Variants in C4orf36 observed in about 807,000 individuals in gnomAD.
The protein encoded by C4orf36 is uncharacterized protein C4orf36.
Under a neutral mutation model 12.2 loss-of-function variants are expected in C4orf36, and 11 were observed. The observed-to-expected ratio is 0.90, with a 90% CI of 0.57 to 1.49. The LOEUF (loss-of-function observed/expected upper bound fraction) is 1.49, where lower values mean the gene tolerates loss of function less well. Among genes scored for constraint, C4orf36 ranks in the 40% most tolerant of loss-of-function variants. C4orf36 has a pLI of 0.00. For missense variants in C4orf36, 137 were observed against 133.9 expected, an observed-to-expected ratio of 1.02 and a Z score of -0.11; for synonymous variants, 54 against 51.3, an observed-to-expected ratio of 1.05 and a Z score of -0.22.
chr4:86,919,482 T>C, the C4orf36 span, among the ~76,000 whole-genome samples: 1 of 151,742 alleles, frequency 6.6e-6, no homozygotes, highest in Admixed American at 6.6e-5. Flanking sequence ...ACCACCAGTC[T>C]TGGCTAATTT....
rs749939886 is a variant in C4orf36 at position 86,887,827 on chromosome 4, G to A, written c.287C>T (p.Ser96Phe). 19 of 1,614,020 alleles carry A rather than the reference G, an allele frequency of 1.2e-5. No individual in the cohort carries two copies. In the Admixed American group the frequency reaches 3.0e-4, roughly 25 times the overall value. The change falls in exon 4 of 5, where the codon TCT becomes TTT. Residue 96 changes from serine to phenylalanine, a missense_variant. Transcript: ENST00000295898. ...LCKLKCQENT[S>F]KEIQLLLRER... ...CCTCAGGAGAAGCTGAATTTCCTTAGATGTATTTTCTTGACACTTCAGTTT... is the reference window on the plus strand; with the variant it reads ...CCTCAGGAGAAGCTGAATTTCCTTAAATGTATTTTCTTGACACTTCAGTTT...
chr4:86,882,212 A>G (rs116796084), intron 4 of C4orf36, among the ~76,000 whole-genome samples: 1 of 152,202 alleles, frequency 6.6e-6, no homozygotes, highest in Non-Finnish European at 1.5e-5. Context: ...TGGAAGCAGG[A>G]CTCTTCTCTC....
chr4:86,915,337 C>T, the C4orf36 span, among the ~76,000 whole-genome samples: 1 of 152,194 alleles, frequency 6.6e-6, no homozygotes, highest in African/African-American at 2.4e-5. Context: ...CTCCTAATCC[C>T]CTTAGGTTCT....
At chr4:86,911,509 C>A in the C4orf36 span, among the ~76,000 whole-genome samples, 1 of 152,178 alleles carries the variant, frequency 6.6e-6, no homozygotes, top group African/African-American at 2.4e-5. Context: ...TCTACCAAGT[C>A]TCTGGCCTTC....
At chr4:86,893,718 G>A (rs147124297), upstream of C4orf36, among the ~76,000 whole-genome samples, 864 of 152,168 alleles carry the variant, frequency 5.7e-3, 6 homozygotes, top group African/African-American at 0.02. Flanking sequence ...GGAAGGTGAG[G>A]ACTGTCACTC....
the C4orf36 span, among the ~76,000 whole-genome samples, chr4:86,917,482 A>G: frequency 7.0e-6 from 1 of 142,556 alleles, no homozygotes; most frequent in East Asian, 2.1e-4. Context: ...GAAATAAAGA[A>G]AAAGAAAGGG....
the C4orf36 span, chr4:86,934,485 A>G: frequency 6.6e-6 from 1 of 152,290 alleles, no homozygotes; most frequent in Admixed American, 6.5e-5. Context: ...CACAATACTT[A>G]CTTTTCGGCG....
chr4:86,914,462 A>G, the C4orf36 span: 1 of 560,918 alleles, frequency 1.8e-6, no homozygotes, highest in African/African-American at 2.3e-5. Flanking sequence ...GTGCAGTGGC[A>G]CGATCTCAGC....
chr4:86,896,203 A>T (rs1473956292), upstream of C4orf36, among the ~76,000 whole-genome samples: 1 of 152,168 alleles, frequency 6.6e-6, no homozygotes, highest in Non-Finnish European at 1.5e-5. Context: ...CCTTATTCTA[A>T]TTTTTGTGCC....
At chr4:86,913,265 G>C in the C4orf36 span, 1 of 602,890 alleles carries the variant, frequency 1.7e-6, no homozygotes, top group African/African-American at 1.8e-5. Context: ...CACATCCAGA[G>C]GCCCTGGATG....
chr4:86,887,726 GAC>G, intron 4 of C4orf36, 30 bp downstream of exon 4: 1 of 1,613,418 alleles, frequency 6.2e-7, no homozygotes, highest in Non-Finnish European at 8.5e-7. Flanking sequence ...TTGGATGCAA[GAC>G]ACAGAGTACA....
At chr4:86,925,724 G>A in the C4orf36 span, 1 of 151,322 alleles carries the variant, frequency 6.6e-6, no homozygotes, top group Admixed American at 6.6e-5. Flanking sequence ...TCTTCTTTAT[G>A]TATGTTACTT....
intron 4 of C4orf36, among the ~76,000 whole-genome samples, chr4:86,883,992 G>A (rs1400035744): frequency 8.7e-6 from 1 of 115,342 alleles, no homozygotes; most frequent in African/African-American, 2.7e-5. Flanking sequence ...ACTCCAGCCT[G>A]GGTGGGAAAA....
At chr4:86,893,948 G>C (rs758212742), upstream of C4orf36, among the ~76,000 whole-genome samples, 26 of 151,574 alleles carry the variant, frequency 1.7e-4, no homozygotes, top group Admixed American at 3.3e-4. Context: ...CCAGGCTGGA[G>C]TGCAGTGGCG....
At chr4:86,905,325 G>A in the C4orf36 span, among the ~76,000 whole-genome samples, 1 of 151,824 alleles carries the variant, frequency 6.6e-6, no homozygotes, top group African/African-American at 2.4e-5. Flanking sequence ...GGAAGTTGCA[G>A]TGAGCCGAGA....
chr4:86,877,425 C>T (rs1188965808), intron 4 of C4orf36, among the ~76,000 whole-genome samples: 2 of 152,184 alleles, frequency 1.3e-5, no homozygotes, highest in Admixed American at 6.5e-5. Flanking sequence ...GCTCCAACTC[C>T]CAGACTTTCA....
chr4:86,913,477 T>TG, the C4orf36 span: 2 of 771,958 alleles, frequency 2.6e-6, no homozygotes. Flanking sequence ...ACAGACATGT[T>TG]GCGTTGGATG....
intron 4 of C4orf36, among the ~76,000 whole-genome samples, chr4:86,877,829 T>C (rs1330622852): frequency 6.6e-6 from 1 of 152,228 alleles, no homozygotes; most frequent in Non-Finnish European, 1.5e-5. Flanking sequence ...TCCGCACCTT[T>C]ATAAAATTGG....
chr4:86,909,689 A>G, the C4orf36 span, among the ~76,000 whole-genome samples: 1 of 152,112 alleles, frequency 6.6e-6, no homozygotes, highest in Non-Finnish European at 1.5e-5. Flanking sequence ...AACCAACTAC[A>G]CACCCTTCTA....
Sources: allele counts gnomAD v4.1 joint callset (sites outside exome capture counted in the v4.1 genomes callset), GRCh38; gene constraint gnomAD v4.1.1; transcripts MANE v1.5; gene names NCBI Gene and HGNC (gene_info 2026-07-23, HGNC 2026-07-21).